The following RNF31 variants were observed in gnomAD, a reference collection of about 807,000 sequenced individuals.
RNF31 encodes ring finger protein 31, also known as E3 ubiquitin-protein ligase RNF31.
RNF31 carries 38 observed loss-of-function variants against 133.6 expected under a neutral mutation model. The observed-to-expected ratio is 0.28, with a 90% confidence interval of 0.22 to 0.37. The LOEUF (loss-of-function observed/expected upper bound fraction) is 0.37. Ranked by LOEUF, RNF31 falls within the 10% of genes least tolerant of loss-of-function variation. RNF31 has a pLI of 1.00. For synonymous variants in RNF31, 582 were observed against 552.3 expected (o/e 1.05, Z -0.75); for missense variants, 1,118 against 1,394.1 (o/e 0.80, Z 3.15).
At chr14:24,150,978 T>C in intron 8 of RNF31, 90 bp downstream of exon 8, 4 of 1,505,650 alleles carry the variant, frequency 2.7e-6, no homozygotes, top group South Asian at 1.3e-5. Context: ...AATCTTGTTA[T>C]TGTTAGCAGC....
Position 24,147,733 on chromosome 14 carries a change from T to C in RNF31, c.35T>C (p.Val12Ala). 3.2e-6 allele frequency: 5 copies of C among 1,551,666 alleles called. No homozygotes were observed. Among genetic ancestry groups the C allele is most frequent in the Non-Finnish European group, 4.3e-6 (5 of 1,153,984 alleles). The part of the protein sequence containing the change: ...PGEEEERAFL[V>A]AREELASALR... ...GAGGAAGAGGAGCGGGCCTTCCTGGTGGCCCGCGAGGAGCTGGCGAGCGCC... is the reference window on the plus strand; with the variant it reads ...GAGGAAGAGGAGCGGGCCTTCCTGGCGGCCCGCGAGGAGCTGGCGAGCGCC... The change falls in exon 1 of 21, where the codon GTG becomes GCG. Residue 12 changes from valine (V) to alanine (A), a missense_variant. By Grantham distance (64) the Val-to-Ala change is moderately conservative. Transcript: ENST00000324103.
Position 24,148,032 on chromosome 14 carries a change from C to G in RNF31, c.249C>G (p.Gly83=). 1 of 1,614,238 alleles carries G rather than the reference C, an allele frequency of 6.2e-7. No individual in the cohort carries two copies. Among genetic ancestry groups the G allele is most frequent in the South Asian group, 1.1e-5 (1 of 91,088 alleles). The part of the protein sequence containing the change: ...STALNILEKY[G]RNLLSPQRPR... ...CTCTGAACATCCTGGAGAAATACGG[C>G]CGCAACCTTCTCAGCCCTCAGCGGC... is the stretch of plus-strand genomic sequence containing the variant. The change falls in exon 2 of 21, where the codon GGC becomes GGG. Residue 83 remains glycine (G), a synonymous_variant. Coordinates refer to ENST00000324103, the MANE Select transcript of RNF31 (RefSeq NM_017999.5).
In RNF31 at chr14:24,148,032, C is replaced by T; in HGVS notation, c.249C>T (p.Gly83=). ...CTCTGAACATCCTGGAGAAATACGG[C>T]CGCAACCTTCTCAGCCCTCAGCGGC... ...STALNILEKY[G]RNLLSPQRPR... The change falls in exon 2 of 21, where the codon GGC becomes GGT. Residue 83 remains glycine (G), a synonymous_variant. Coordinates refer to ENST00000324103, the MANE Select transcript of RNF31 (RefSeq NM_017999.5). 6.2e-7 allele frequency: 1 copy of T among 1,614,238 alleles called. No individual in the cohort carries two copies. The highest frequency in any genetic ancestry group is 8.5e-7 in the Non-Finnish European group (1 of 1,180,032).
upstream of RNF31, chr14:24,146,983 G>A (rs1283351256): frequency 1.1e-5 from 3 of 273,498 alleles, no homozygotes; most frequent in South Asian, 3.7e-5. Context: ...CGCAAGTAGC[G>A]GACGGAGAGA....
chr14:24,158,515 G>T (rs1196604831), intron 18 of RNF31: 4 of 416,272 alleles, frequency 9.6e-6, no homozygotes, highest in Non-Finnish European at 1.7e-5. Flanking sequence ...CTAGTTGCAG[G>T]GCACTGTTTT....
Position 24,148,400 on chromosome 14 carries a change from G to A in RNF31, c.482G>A (p.Ser161Asn). 6.2e-7 allele frequency: 1 copy of A among 1,614,036 alleles called. No individual in the cohort carries two copies. Among genetic ancestry groups the A allele is most frequent in the South Asian group, 1.1e-5 (1 of 91,072 alleles). The change falls in exon 3 of 21, where the codon AGC becomes AAC. Residue 161 changes from serine (S) to asparagine (N), a missense_variant. Around this residue, in one of 3 missense-constraint regions of RNF31, gnomAD observed 747 missense variants for 827.9 expected, o/e 0.90. Transcript: ENST00000324103. ...LEVLLLRTEL[S>N]LLLQNTHPRQ... is the part of the protein sequence containing the mutation. ...GTACTGCTGCTTCGGACAGAGCTCA[G>A]CCTGCTATTGCAGGTGAGATGCTCC... is the stretch of plus-strand genomic sequence containing the variant.
intron 14 of RNF31, among the ~76,000 whole-genome samples, 161 bp from the exon 15 acceptor site, chr14:24,157,129 A>C (rs1046565689): frequency 2.0e-5 from 3 of 152,222 alleles, no homozygotes; most frequent in African/African-American, 7.2e-5. Context: ...GGAGAAAATG[A>C]AAGGACCAAG....
chr14:24,157,780 G>C (rs1172681715), intron 16 of RNF31, 118 bp from the exon 17 acceptor site: 1 of 1,108,040 alleles, frequency 9.0e-7, no homozygotes, highest in Non-Finnish European at 1.4e-6. Context: ...CTTACCCTTT[G>C]CTTGCTCCTC....
In RNF31 at chr14:24,148,753, ACT is replaced by A. The variant is rs749774349; in HGVS notation, c.556-45_556-44del. 1.2e-5 allele frequency: 19 copies of A among 1,612,904 alleles called. No individual in the cohort carries two copies. The African/African-American group carries it at 1.5e-4, about 12-fold the overall frequency. ...GTACAAAGGAAACAGGAATTGTGAG[ACT>A]CTGTGTCCCTAAACCCTTATTCATT... On this transcript the variant is annotated intron_variant, in intron 4 of 20. Coordinates refer to ENST00000324103, the MANE Select transcript of RNF31 (RefSeq NM_017999.5).
intron 16 of RNF31, 88 bp from the exon 17 acceptor site, chr14:24,157,810 C>G: frequency 4.2e-6 from 5 of 1,186,562 alleles, no homozygotes; most frequent in Non-Finnish European, 6.2e-6. Context: ...CATCTCCCCT[C>G]ACCCTTACAC....
Position 24,151,086 on chromosome 14 carries a change from G to A in RNF31, c.1489-45G>A, listed in dbSNP as rs961788631. The A allele has an allele frequency of 1.2e-6, 2 of 1,606,580 alleles. No individual in the cohort carries two copies. The highest frequency in any genetic ancestry group is 1.7e-6 in the Non-Finnish European group (2 of 1,175,306). On this transcript the variant is annotated intron_variant, in intron 8 of 20. Transcript: ENST00000324103. This position sits in a 1 kb window ranked among gnomAD's most constrained non-coding sequence, Gnocchi z 5.3. ...TGTCACCATCTTAGTTCAGGCTGAG[G>A]GTGGGTGAAGGGTGCCCCTCCTGAT...
chr14:24,151,003 G>A lies in RNF31; in HGVS notation c.1488+115G>A. On this transcript the variant is annotated intron_variant, in intron 8 of 20. Transcript: ENST00000324103. The surrounding 1 kb of genome is among the most constrained non-coding windows in gnomAD (Gnocchi z 5.3). Reference sequence around the variant, plus strand: ...TTGTTAGCAGCAGCTGCCTGTTACTGAGGCAGTTACCATTGCTGTACACTG... The same window carrying A: ...TTGTTAGCAGCAGCTGCCTGTTACTAAGGCAGTTACCATTGCTGTACACTG... 6.7e-7 allele frequency: 1 copy of A among 1,496,208 alleles called. No homozygotes were observed. Among genetic ancestry groups the A allele is most frequent in the Non-Finnish European group, 9.0e-7 (1 of 1,112,374 alleles). 92.7% of individuals were successfully genotyped at this position (1,496,208 alleles called of 1,614,324 possible).
rs371872565 is a variant in RNF31 at position 24,150,443 on chromosome 14, C to T, written c.1192C>T (p.Leu398Phe). The change falls in exon 7 of 21, where the codon CTT (leucine) becomes TTT (phenylalanine). Residue 398 changes from leucine (L) to phenylalanine (F), a missense_variant. Physicochemically the swap from Leu to Phe is conservative, Grantham distance 22. This residue lies in a region of RNF31 where 747 missense variants were observed against 827.9 expected (regional missense o/e 0.90). Transcript: ENST00000324103. ...AGATGCTGGCATTTGCCTGCAACCCCTTCAGGTAACTGGCCTTCCCAGCTC... is the reference window on the plus strand; with the variant it reads ...AGATGCTGGCATTTGCCTGCAACCCTTTCAGGTAACTGGCCTTCCCAGCTC... The part of the protein sequence containing the change: ...SRDAGICLQP[L>F]QQGDALLASA... The T allele has an allele frequency of 1.6e-5, 26 of 1,608,450 alleles. No individual in the cohort carries two copies. In the African/African-American group the frequency reaches 2.9e-4, roughly 18 times the overall value.
chr14:24,149,018 C>CA (rs2038222502), intron 5 of RNF31, 142 bp downstream of exon 5: 2 of 815,322 alleles, frequency 2.5e-6, no homozygotes, highest in Non-Finnish European at 4.1e-6. Context: ...GGCTGGAGTG[C>CA]AATGGTGCGA....
rs1275365259 is a variant in RNF31, at chr14:24,150,198, G to C, written c.947G>C (p.Trp316Ser). 7.4e-6 allele frequency: 12 copies of C among 1,614,168 alleles called. No individual in the cohort carries two copies. The part of the protein sequence containing the change: ...CAACAMLNEP[W>S]AVLCVACDRP... ...GCCTGTGCCATGCTAAATGAGCCTT[G>C]GGCAGTGCTCTGTGTGGCCTGTGAT... is the stretch of plus-strand genomic sequence containing the variant. The change falls in exon 7 of 21, where the codon TGG becomes TCG. Residue 316 changes from tryptophan (W) to serine (S), a missense_variant. Physicochemically the swap from Trp to Ser is radical, Grantham distance 177. Coordinates refer to ENST00000324103, the MANE Select transcript of RNF31 (RefSeq NM_017999.5).
intron 11 of RNF31, among the ~76,000 whole-genome samples, chr14:24,154,577 C>A (rs1236738927): frequency 6.6e-6 from 1 of 152,168 alleles, no homozygotes; most frequent in African/African-American, 2.4e-5. Context: ...CGTGCCCGGC[C>A]CCCAGTGGTG....
rs767354335 is a variant in RNF31, at chr14:24,147,835, C to T, written c.137C>T (p.Ala46Val). Residue 46 changes from alanine (A) to valine (V), a missense_variant, in exon 1 of 21, where the codon GCC (alanine) becomes GTC (valine). Coordinates refer to ENST00000324103, the MANE Select transcript of RNF31 (RefSeq NM_017999.5). ...PLLASSLPLA[A>V]RYLQLDAARL... ...CTAGCCAGCTCTCTGCCGCTAGCCGCCCGCTACCTGCAGCTGGACGCCGCA... is the reference window on the plus strand; with the variant it reads ...CTAGCCAGCTCTCTGCCGCTAGCCGTCCGCTACCTGCAGCTGGACGCCGCA... The T allele has an allele frequency of 3.7e-6, 6 of 1,609,206 alleles. No homozygotes were observed. In the South Asian group the frequency reaches 5.5e-5, roughly 15 times the overall value.
intron 6 of RNF31, among the ~76,000 whole-genome samples, 186 bp downstream of exon 6, chr14:24,149,769 T>C (rs776666674): frequency 3.9e-5 from 6 of 152,202 alleles, no homozygotes; most frequent in Non-Finnish European, 8.8e-5. Context: ...CAGGTTGTTA[T>C]GGTAATAGGT....
intron 11 of RNF31, among the ~76,000 whole-genome samples, chr14:24,152,944 G>A (rs2038288015): frequency 1.3e-5 from 2 of 152,026 alleles, no homozygotes; most frequent in Admixed American, 1.3e-4. Context: ...AGCCAGGTGT[G>A]GTGGCAGGCG....
Sources: gnomAD v4.1 joint callset for allele counts (sites outside exome capture counted in the v4.1 genomes callset) on GRCh38, gnomAD v4.1.1 for gene constraint, gnomAD v4.1.1 regional missense constraint, Gnocchi (gnomAD v3.1) non-coding constraint, MANE v1.5 for transcripts, NCBI Gene and HGNC (gene_info 2026-07-23, HGNC 2026-07-21) for gene names.